The following CLPTM1 variants were observed in gnomAD, a reference collection of about 807,000 sequenced individuals.
The protein encoded by CLPTM1 is putative lipid scramblase CLPTM1.
In CLPTM1, 21 loss-of-function variants were observed where a neutral mutation model predicts 77.3. The ratio of observed to expected loss-of-function variants is 0.27; its 90% CI spans 0.19 to 0.39. CLPTM1 has a LOEUF of 0.39. CLPTM1 is among the 10% of genes least tolerant of loss of function. The pLI, the probability that CLPTM1 is intolerant of heterozygous loss-of-function variation, is 1.00. For synonymous variants in CLPTM1, 373 were observed against 381.0 expected (o/e 0.98, Z 0.24); for missense variants, 642 against 921.2 (o/e 0.70, Z 3.92).
chr19:44,985,620 C>G (rs1970965172), intron 6 of CLPTM1, among the ~76,000 whole-genome samples: 2 of 152,240 alleles, frequency 1.3e-5, no homozygotes, highest in Admixed American at 1.3e-4. Flanking sequence ...CAGGGACTCT[C>G]ACCCACACAG....
chr19:44,983,846 C>T (rs539917168), intron 5 of CLPTM1, among the ~76,000 whole-genome samples: 2 of 152,050 alleles, frequency 1.3e-5, no homozygotes, highest in Admixed American at 1.3e-4. Context: ...CCTGTAATCC[C>T]AGCTACTTGA....
chr19:44,987,924 C>A, intron 8 of CLPTM1, 156 bp from the exon 9 acceptor site: 1 of 671,188 alleles, frequency 1.5e-6, no homozygotes, highest in Admixed American at 2.3e-5. Context: ...TCACCCTCCT[C>A]TCTCTCCCCA....
intron 4 of CLPTM1, 48 bp from the exon 5 acceptor site, chr19:44,977,295 C>A: frequency 7.1e-7 from 1 of 1,404,810 alleles, no homozygotes. Context: ...TAACGTTTCC[C>A]TCACCCCAGT....
intron 1 of CLPTM1, 139 bp downstream of exon 1, chr19:44,955,606 A>C: frequency 5.9e-5 from 36 of 615,300 alleles, no homozygotes; most frequent in Non-Finnish European, 5.4e-5. Context: ...CGGCCCAGGC[A>C]GGGCCGGACC....
chr19:44,991,023 C>A lies in CLPTM1; in HGVS notation c.1419+78C>A. 1.5e-6 allele frequency: 2 copies of A among 1,356,230 alleles called. No homozygotes were observed. Among genetic ancestry groups the A allele is most frequent in the South Asian group, 1.2e-5 (1 of 83,352 alleles). The allele number at this position is 1,356,230 out of a possible 1,614,324, so 84.0% of individuals were successfully genotyped here. On this transcript the variant is annotated intron_variant, in intron 11 of 13. Transcript: ENST00000337392. This position sits in a 1 kb window ranked among gnomAD's most constrained non-coding sequence, Gnocchi z 5.4. Reference sequence around the variant, plus strand: ...CCCTGAGGCACCCGGGGCCGGCCATCTGTCTGCCGGACCCATGCTTTACAG... The same window carrying A: ...CCCTGAGGCACCCGGGGCCGGCCATATGTCTGCCGGACCCATGCTTTACAG...
intron 6 of CLPTM1, 133 bp downstream of exon 6, chr19:44,985,436 C>T (rs1202705149): frequency 3.1e-6 from 2 of 645,078 alleles, no homozygotes; most frequent in Non-Finnish European, 5.6e-6. Context: ...CCTCCCCTCC[C>T]TGAGCACTGG....
At chr19:44,972,443 G>T (rs71352247) in intron 2 of CLPTM1, among the ~76,000 whole-genome samples, 59,578 of 151,494 alleles carry the variant, frequency 0.39, 13,031 homozygotes, top group Middle Eastern at 0.54. Flanking sequence ...TAGAGACAGG[G>T]TTTCACCATG....
At position 44,992,251 on chromosome 19, in the gene CLPTM1, CCCAGCTCTTCATCAACTA is replaced by C; in HGVS notation, c.1576_1593del (p.Gln526_Tyr531del). On this transcript the variant is annotated inframe_deletion, in exon 13 of 14. Transcript: ENST00000337392. This position sits in a 1 kb window ranked among gnomAD's most constrained non-coding sequence, Gnocchi z 7.7. ...ACTGCAGGCTTCATCACCATGACGCCCCAGCTCTTCATCAACTACAAGCTCAAGTCTGTGGCCCACCTT... is the reference window on the plus strand; with the variant it reads ...ACTGCAGGCTTCATCACCATGACGCCCAAGCTCAAGTCTGTGGCCCACCTT... 1 of 1,614,044 alleles carries C rather than the reference CCCAGCTCTTCATCAACTA, an allele frequency of 6.2e-7. No homozygotes were observed. Among genetic ancestry groups the C allele is most frequent in the Non-Finnish European group, 8.5e-7 (1 of 1,179,954 alleles).
chr19:44,955,318 T>A, upstream of CLPTM1: 4 of 1,371,718 alleles, frequency 2.9e-6, no homozygotes, highest in Non-Finnish European at 3.8e-6. Context: ...TAGGAAAGCG[T>A]GAAATCTCGC....
intron 2 of CLPTM1, among the ~76,000 whole-genome samples, chr19:44,963,280 TAGG>T (rs1970573852): frequency 7.1e-6 from 1 of 141,210 alleles, no homozygotes; most frequent in Non-Finnish European, 1.5e-5. Flanking sequence ...GAGGCTGAGG[TAGG>T]AGGATCACTT....
In CLPTM1 at chr19:44,992,532, C is replaced by A; in HGVS notation, c.1724-79C>A. Reference sequence around the variant, plus strand: ...CTGAGGGGGCTCGGCCCCGCCCTTGCATCACGCCCTCTCCACCCAGGCCCA... The same window carrying A: ...CTGAGGGGGCTCGGCCCCGCCCTTGAATCACGCCCTCTCCACCCAGGCCCA... On this transcript the variant is annotated intron_variant, in intron 13 of 13. Coordinates refer to ENST00000337392, the MANE Select transcript of CLPTM1 (RefSeq NM_001294.4). The surrounding 1 kb of genome is among the most constrained non-coding windows in gnomAD (Gnocchi z 7.7). The A allele has an allele frequency of 6.3e-7, 1 of 1,596,076 alleles. No individual in the cohort carries two copies. Among genetic ancestry groups the A allele is most frequent in the Non-Finnish European group, 8.6e-7 (1 of 1,167,910 alleles).
intron 5 of CLPTM1, among the ~76,000 whole-genome samples, chr19:44,984,042 C>T (rs750513373): frequency 6.4e-4 from 98 of 152,236 alleles, no homozygotes; most frequent in African/African-American, 1.9e-3. Flanking sequence ...CCTTCCTCCC[C>T]GGCAGCATTT....
At chr19:44,976,666 C>T (rs990350237) in intron 4 of CLPTM1, among the ~76,000 whole-genome samples, 2 of 152,064 alleles carry the variant, frequency 1.3e-5, no homozygotes, top group African/African-American at 4.8e-5. Flanking sequence ...GAGAATAGTC[C>T]CCCTTCCCTG....
Position 44,988,139 on chromosome 19 carries a change from T to C in CLPTM1, c.1098T>C (p.Val366=), listed in dbSNP as rs1971012260. The stretch of plus-strand genomic sequence containing the variant: ...CGCTCACCATCATCGTGTCTATCGT[T>C]CACAGTGTCTTCGAGTTCCTGGCCT... ...LLALTIIVSI[V]HSVFEFLAFK... is the part of the protein sequence containing the mutation. The change falls in exon 9 of 14, where the codon GTT becomes GTC. Residue 366 remains valine (V), a synonymous_variant. Coordinates refer to ENST00000337392, the MANE Select transcript of CLPTM1 (RefSeq NM_001294.4). 1 of 1,613,988 alleles carries C rather than the reference T, an allele frequency of 6.2e-7. No individual in the cohort carries two copies. Among genetic ancestry groups the C allele is most frequent in the African/African-American group, 1.3e-5 (1 of 74,916 alleles).
At chr19:44,956,344 G>C (rs939847120) in intron 1 of CLPTM1, among the ~76,000 whole-genome samples, 5 of 152,148 alleles carry the variant, frequency 3.3e-5, no homozygotes, top group Admixed American at 2.6e-4. Flanking sequence ...AAATGCAGAG[G>C]TTGGACAGGA....
At chr19:44,973,261 G>A in intron 3 of CLPTM1, 51 bp downstream of exon 3, 1 of 1,612,040 alleles carries the variant, frequency 6.2e-7, no homozygotes, top group Non-Finnish European at 8.5e-7. Flanking sequence ...GTGTGGAGGG[G>A]TGGAATGTGG....
rs532217318 is a variant in CLPTM1 at position 44,991,565 on chromosome 19, C to A, written c.1555+192C>A. Among the ~76,000 whole-genome samples the A allele has an allele frequency of 3.0e-4, 46 of 152,276 alleles. No homozygotes were observed. Among genetic ancestry groups the A allele is most frequent in the African/African-American group, 1.1e-3 (46 of 41,560 alleles). ...GACTTCAGGGAGGACATGAACAGTA[C>A]GCTTCAGTCCTCATTCTCAGGGGGC... On this transcript the variant is annotated intron_variant, in intron 12 of 13. Coordinates refer to ENST00000337392, the MANE Select transcript of CLPTM1 (RefSeq NM_001294.4). The surrounding 1 kb of genome is among the most constrained non-coding windows in gnomAD (Gnocchi z 5.4).
At chr19:44,969,134 A>T (rs1378614614) in intron 2 of CLPTM1, among the ~76,000 whole-genome samples, 1 of 152,166 alleles carries the variant, frequency 6.6e-6, no homozygotes, top group African/African-American at 2.4e-5. Flanking sequence ...TCAGTCACTT[A>T]CTGGGTATGC....
At chr19:44,978,409 C>CA (rs56071173) in intron 5 of CLPTM1, among the ~76,000 whole-genome samples, 18,528 of 138,816 alleles carry the variant, frequency 0.13, 1,265 homozygotes, top group South Asian at 0.25. Context: ...GTCTCCGTCT[C>CA]AAAAAAAAAA....
Sources: allele counts gnomAD v4.1 joint callset (sites outside exome capture counted in the v4.1 genomes callset), GRCh38; gene constraint gnomAD v4.1.1; non-coding constraint Gnocchi (gnomAD v3.1); transcripts MANE v1.5; gene names NCBI Gene and HGNC (gene_info 2026-07-23, HGNC 2026-07-21).